SDK2: variants seen among roughly 807,000 people sequenced by gnomAD.
SDK2 encodes sidekick cell adhesion molecule 2.
SDK2 carries 105 observed loss-of-function variants against 253.9 expected under a neutral mutation model. The observed-to-expected ratio is 0.41, with a 90% CI of 0.35 to 0.49. SDK2 has a LOEUF of 0.49. Ranked by LOEUF, SDK2 falls within the 20% of genes least tolerant of loss-of-function variation. The pLI, the probability that SDK2 is intolerant of heterozygous loss-of-function variation, is 0.06. For missense variants in SDK2, 2,608 were observed against 3,003.0 expected (o/e 0.87, Z 3.07); for synonymous variants, 1,249 against 1,234.9 (o/e 1.01, Z -0.24).
chr17:73,439,119 T>C lies in SDK2; in HGVS notation c.726-965A>G, dbSNP rs1008151762. Among the ~76,000 whole-genome samples the C allele has an allele frequency of 9.9e-5, 15 of 152,284 alleles. 1 individual carries two copies. Among genetic ancestry groups the C allele is most frequent in the East Asian group, 5.8e-4 (3 of 5,178 alleles). On this transcript the variant is annotated intron_variant, in intron 6 of 44. Coordinates refer to ENST00000392650, the MANE Select transcript of SDK2 (RefSeq NM_001144952.2). ...TTACTCTGTTAGTTCATGTGAGGGC[T>C]GGTTGTTTAAAGGAGCCTAGCTCCT...
At chr17:73,348,909 A>G (rs1217886878) in intron 43 of SDK2, among the ~76,000 whole-genome samples, 184 bp from the exon 44 acceptor site, 7 of 152,142 alleles carry the variant, frequency 4.6e-5, no homozygotes, top group African/African-American at 1.7e-4. Context: ...GAGGACAAAG[A>G]GGGAAAAATG....
intron 40 of SDK2, among the ~76,000 whole-genome samples, chr17:73,356,841 C>A (rs1310669234): frequency 6.6e-6 from 1 of 152,216 alleles, no homozygotes; most frequent in African/African-American, 2.4e-5. Context: ...CAAGTCACAG[C>A]CCACAAACTT....
intron 33 of SDK2, among the ~76,000 whole-genome samples, chr17:73,381,396 A>G (rs1219509390): frequency 6.6e-6 from 1 of 151,774 alleles, no homozygotes; most frequent in Non-Finnish European, 1.5e-5. Flanking sequence ...TAAAATCACA[A>G]CCACAAGCAC....
chr17:73,621,486 C>T (rs1298191627), intron 1 of SDK2, among the ~76,000 whole-genome samples: 5 of 152,088 alleles, frequency 3.3e-5, no homozygotes, highest in Non-Finnish European at 4.4e-5. Context: ...TTGAAATTAG[C>T]GGACACGAAT....
At chr17:73,341,543 C>T (rs2062437237) in intron 44 of SDK2, among the ~76,000 whole-genome samples, 1 of 152,192 alleles carries the variant, frequency 6.6e-6, no homozygotes, top group Non-Finnish European at 1.5e-5. Context: ...CAGCTAATGC[C>T]CCTGCCTGGG....
intron 29 of SDK2, 86 bp from the exon 30 acceptor site, chr17:73,388,123 T>A: frequency 1.1e-6 from 1 of 933,436 alleles, no homozygotes; most frequent in Non-Finnish European, 1.6e-6. Context: ...GGAAAGGAGG[T>A]GATCTGGGCT....
At chr17:73,567,250 C>T (rs955966267) in intron 1 of SDK2, among the ~76,000 whole-genome samples, 7 of 152,264 alleles carry the variant, frequency 4.6e-5, no homozygotes, top group African/African-American at 1.7e-4. Flanking sequence ...GGCTCCACTT[C>T]AGAGGGCATA....
intron 42 of SDK2, 26 bp from the exon 43 acceptor site, chr17:73,350,401 CT>C (rs1400836256): frequency 3.7e-6 from 6 of 1,603,618 alleles, no homozygotes; most frequent in Middle Eastern, 3.3e-4. Context: ...GATTGACACC[CT>C]TTAGACTGTG....
intron 25 of SDK2, 94 bp from the exon 26 acceptor site, chr17:73,394,418 A>G: frequency 1.5e-6 from 1 of 674,016 alleles, no homozygotes; most frequent in East Asian, 3.2e-5. Context: ...GGGAGGGGCC[A>G]GCTCGATGTT....
chr17:73,515,379 C>T (rs1872079), intron 1 of SDK2, among the ~76,000 whole-genome samples: 23,346 of 152,208 alleles, frequency 0.15, 2,253 homozygotes, highest in Middle Eastern at 0.22. Context: ...GCAAAGGTCA[C>T]GCAGCATTCA....
intron 1 of SDK2, among the ~76,000 whole-genome samples, chr17:73,576,079 G>A (rs1042713328): frequency 1.3e-5 from 2 of 152,216 alleles, no homozygotes; most frequent in African/African-American, 2.4e-5. Flanking sequence ...TATTGAACAG[G>A]ACCAAAAGGC....
At chr17:73,507,743 C>T (rs1441241132) in intron 1 of SDK2, 146 bp from the exon 2 acceptor site, 2 of 829,776 alleles carry the variant, frequency 2.4e-6, no homozygotes, top group Non-Finnish European at 3.7e-6. Context: ...GGGACTTGAA[C>T]CTGGGTCAGT....
intron 1 of SDK2, among the ~76,000 whole-genome samples, chr17:73,562,042 C>T (rs1199351027): frequency 1.3e-5 from 2 of 152,180 alleles, no homozygotes; most frequent in Non-Finnish European, 2.9e-5. Flanking sequence ...AGGAGAATTG[C>T]TTGAACCCGG....
In SDK2 at chr17:73,379,767, C is replaced by G. The variant is rs932060701; in HGVS notation, c.4763-218G>C. On this transcript the variant is annotated intron_variant, in intron 34 of 44. Transcript: ENST00000392650. This position sits in a 1 kb window ranked among gnomAD's most constrained non-coding sequence, Gnocchi z 4.5. ...AGGGCAATGCTGGTTGGCCTCTTGG[C>G]CTAGGGTGGCCGTACATTTTATTGT... is the stretch of plus-strand genomic sequence containing the variant. Among the ~76,000 whole-genome samples the G allele has an allele frequency of 6.6e-6, 1 of 151,822 alleles. No individual in the cohort carries two copies. The highest frequency in any genetic ancestry group is 2.4e-5 in the African/African-American group (1 of 41,306).
chr17:73,483,681 ATTT>A (rs2063749355), intron 2 of SDK2, among the ~76,000 whole-genome samples: 4 of 55,552 alleles, frequency 7.2e-5, no homozygotes, highest in Non-Finnish European at 1.4e-4. Flanking sequence ...ATATATATAT[ATTT>A]ATATATATAT....
At position 73,598,349 on chromosome 17, in the gene SDK2, G is replaced by A. The variant is rs536581064; in HGVS notation, c.64+45676C>T. Among the ~76,000 whole-genome samples the A allele has an allele frequency of 3.3e-5, 5 of 152,320 alleles. No homozygotes were observed. The South Asian group carries it at 6.2e-4, about 19-fold the overall frequency. On this transcript the variant is annotated intron_variant, in intron 1 of 44. Transcript: ENST00000392650. ...GGTCATTGGCCGACGGCACCTGTGC[G>A]GGCTCATGCAGGGCAGCTCAGATGG...
chr17:73,632,812 G>A (rs933080087), intron 1 of SDK2, among the ~76,000 whole-genome samples: 8 of 152,136 alleles, frequency 5.3e-5, no homozygotes, highest in Non-Finnish European at 1.2e-4. Context: ...TACAGATGCT[G>A]TGACTCATTC....
chr17:73,412,019 CGTATATGTATATATACGT>C lies in SDK2; in HGVS notation c.2484+2607_2484+2624del, dbSNP rs1568389182. On this transcript the variant is annotated intron_variant, in intron 18 of 44. Transcript: ENST00000392650. The stretch of plus-strand genomic sequence containing the variant: ...ATACACACATATATATGTAGATATA[CGTATATGTATATATACGT>C]ATATATATGTATATACGTATATGTA... Among the ~76,000 whole-genome samples, 14 of 49,030 alleles carry C rather than the reference CGTATATGTATATATACGT, an allele frequency of 2.9e-4. No homozygotes were observed. The South Asian group carries it at 5.1e-3, about 18-fold the overall frequency. 32.2% of individuals were successfully genotyped at this position (49,030 alleles called of 152,430 possible).
In SDK2 at chr17:73,563,770, C is replaced by G. The variant is rs536495596; in HGVS notation, c.65-56173G>C. 2.6e-5 allele frequency among the ~76,000 whole-genome samples: 4 copies of G among 151,550 alleles called. No individual in the cohort carries two copies. In the East Asian group the frequency reaches 7.7e-4, roughly 29 times the overall value. ...GGCCTAGGTGAGTCTTCTTTTTTCT[C>G]TCACTGATTTTTTTTTTTTTGAGAC... On this transcript the variant is annotated intron_variant, in intron 1 of 44. Coordinates refer to ENST00000392650, the MANE Select transcript of SDK2 (RefSeq NM_001144952.2).
Sources: gnomAD v4.1 joint callset for allele counts (sites outside exome capture counted in the v4.1 genomes callset) on GRCh38, gnomAD v4.1.1 for gene constraint, Gnocchi (gnomAD v3.1) non-coding constraint, MANE v1.5 for transcripts, NCBI Gene and HGNC (gene_info 2026-07-23, HGNC 2026-07-21) for gene names.